Variants in CAMTA1 observed in about 807,000 individuals in gnomAD.
CAMTA1 encodes calmodulin binding transcription activator 1, also known as calmodulin-binding transcription activator 1.
In CAMTA1, 27 loss-of-function variants were observed where a neutral mutation model predicts 170.9. The observed-to-expected ratio is 0.16, with a 90% CI of 0.12 to 0.22. The LOEUF (loss-of-function observed/expected upper bound fraction) is 0.22, where lower values mean the gene tolerates loss of function less well. Ranked by LOEUF, CAMTA1 falls within the 10% of genes least tolerant of loss-of-function variation. CAMTA1 has a pLI of 1.00. For synonymous variants in CAMTA1, 833 were observed against 891.5 expected (o/e 0.93, Z 1.17); for missense variants, 1,619 against 2,217.2 (o/e 0.73, Z 5.42).
chr1:7,680,010 T>C lies in CAMTA1; in HGVS notation c.2914+2277T>C, dbSNP rs2096171790. Among the ~76,000 whole-genome samples the C allele has an allele frequency of 6.6e-6, 1 of 152,104 alleles. No homozygotes were observed. The highest frequency in any genetic ancestry group is 1.5e-5 in the Non-Finnish European group (1 of 68,020). ...TTCCCCCTAAATGAATACAAGGCAC[T>C]CACCCACCCAAGGGCCCAGCCTTCC... On this transcript the variant is annotated intron_variant, in intron 11 of 22. Coordinates refer to ENST00000303635, the MANE Select transcript of CAMTA1 (RefSeq NM_015215.4). This position sits in a 1 kb window ranked among gnomAD's most constrained non-coding sequence, Gnocchi z 4.4.
At chr1:7,662,400 CTTAA>C (rs1176431591) in intron 8 of CAMTA1, among the ~76,000 whole-genome samples, 1 of 152,068 alleles carries the variant, frequency 6.6e-6, no homozygotes, top group Non-Finnish European at 1.5e-5. Context: ...CCCAGGCTGA[CTTAA>C]TTAGATAGTC....
chr1:7,387,213 C>T (rs1434349301), intron 5 of CAMTA1, among the ~76,000 whole-genome samples: 1 of 152,092 alleles, frequency 6.6e-6, no homozygotes, highest in Non-Finnish European at 1.5e-5. Flanking sequence ...GTTGACCCCT[C>T]TCATTGAACA....
At chr1:7,255,653 G>A (rs939346482) in intron 5 of CAMTA1, among the ~76,000 whole-genome samples, 3 of 152,104 alleles carry the variant, frequency 2.0e-5, no homozygotes, top group African/African-American at 7.2e-5. Context: ...AAGATACATC[G>A]AGTATTTATT....
chr1:7,546,943 T>G (rs1448215326), intron 6 of CAMTA1, among the ~76,000 whole-genome samples: 2 of 152,102 alleles, frequency 1.3e-5, no homozygotes, highest in Non-Finnish European at 2.9e-5. Context: ...TAATAAATAT[T>G]TTGTGAGAAA....
intron 5 of CAMTA1, among the ~76,000 whole-genome samples, chr1:7,405,137 C>G (rs1367525492): frequency 6.6e-6 from 1 of 152,014 alleles, no homozygotes; most frequent in Non-Finnish European, 1.5e-5. Context: ...TCCTCCCTCA[C>G]TTCCTGCAGG....
intron 5 of CAMTA1, among the ~76,000 whole-genome samples, chr1:7,453,898 C>G (rs1473576800): frequency 2.0e-5 from 3 of 152,242 alleles, no homozygotes; most frequent in Non-Finnish European, 4.4e-5. Context: ...GCCCGGGGAC[C>G]TGGAGGTGCA....
intron 6 of CAMTA1, among the ~76,000 whole-genome samples, chr1:7,493,283 G>GCA (rs2093761057): frequency 1.2e-5 from 1 of 85,910 alleles, no homozygotes; most frequent in Non-Finnish European, 2.1e-5. Flanking sequence ...AAACATACAC[G>GCA]CGCACAAACA....
At chr1:6,869,317 T>C (rs1016733485) in intron 3 of CAMTA1, among the ~76,000 whole-genome samples, 2 of 152,218 alleles carry the variant, frequency 1.3e-5, no homozygotes, top group African/African-American at 4.8e-5. Flanking sequence ...CAGCCCTTGA[T>C]GGGGAGAGAA....
At chr1:7,338,090 C>T (rs1298492809) in intron 5 of CAMTA1, among the ~76,000 whole-genome samples, 2 of 145,084 alleles carry the variant, frequency 1.4e-5, no homozygotes, top group African/African-American at 5.3e-5. Context: ...CCTATTGGTT[C>T]TTTTTTGCTG....
At chr1:7,338,078 G>A (rs1292167009) in intron 5 of CAMTA1, among the ~76,000 whole-genome samples, 1 of 143,608 alleles carries the variant, frequency 7.0e-6, no homozygotes, top group Non-Finnish European at 1.5e-5. Context: ...CATATATATT[G>A]TCCTATTGGT....
At chr1:7,469,900 C>T (rs1374373323) in intron 6 of CAMTA1, among the ~76,000 whole-genome samples, 2 of 152,242 alleles carry the variant, frequency 1.3e-5, no homozygotes, top group African/African-American at 4.8e-5. Context: ...GGAGAGGGGT[C>T]CTGCTCTCTG....
chr1:7,536,376 G>C (rs1398881903), intron 6 of CAMTA1, among the ~76,000 whole-genome samples: 1 of 152,234 alleles, frequency 6.6e-6, no homozygotes, highest in Non-Finnish European at 1.5e-5. Flanking sequence ...AAAGGACGGG[G>C]AGGAGGTGCC....
At chr1:6,821,146 C>CTGG (rs1443911266) in intron 2 of CAMTA1, among the ~76,000 whole-genome samples, 2 of 152,084 alleles carry the variant, frequency 1.3e-5, no homozygotes. Context: ...AATAGCAAAA[C>CTGG]TAATTATATT....
intron 4 of CAMTA1, among the ~76,000 whole-genome samples, chr1:7,193,610 C>A (rs750958959): frequency 6.6e-6 from 1 of 152,036 alleles, no homozygotes; most frequent in Non-Finnish European, 1.5e-5. Context: ...GACGCAGACC[C>A]TGAAGACAAA....
At chr1:7,255,409 G>A (rs1176018068) in intron 5 of CAMTA1, among the ~76,000 whole-genome samples, 2 of 152,144 alleles carry the variant, frequency 1.3e-5, no homozygotes, top group Non-Finnish European at 2.9e-5. Flanking sequence ...GCACCCACCA[G>A]TCCATACCCT....
intron 6 of CAMTA1, among the ~76,000 whole-genome samples, chr1:7,597,373 C>T (rs1043803718): frequency 6.6e-6 from 1 of 152,148 alleles, no homozygotes; most frequent in Non-Finnish European, 1.5e-5. Context: ...GGGAGCACTG[C>T]GAGTTTTTCT....
intron 5 of CAMTA1, among the ~76,000 whole-genome samples, chr1:7,348,079 CA>C: frequency 6.6e-6 from 1 of 152,254 alleles, no homozygotes; most frequent in Non-Finnish European, 1.5e-5. Context: ...AGGGACTGAC[CA>C]GGGGCTGTGC....
At chr1:7,467,781 C>G (rs1352324871) in intron 5 of CAMTA1, 49 bp from the exon 6 acceptor site, 149 of 1,302,678 alleles carry the variant, frequency 1.1e-4, no homozygotes, top group Non-Finnish European at 1.5e-4. Context: ...TTCCTTCCTT[C>G]CTTCCTTCCC....
chr1:6,885,087 T>C (rs1672832863), intron 3 of CAMTA1, among the ~76,000 whole-genome samples: 2 of 152,358 alleles, frequency 1.3e-5, no homozygotes, highest in South Asian at 4.1e-4. Flanking sequence ...AGAACATTAA[T>C]GGCTTTCTTG....
Sources: gnomAD v4.1 joint callset for allele counts (sites outside exome capture counted in the v4.1 genomes callset) on GRCh38, gnomAD v4.1.1 for gene constraint, Gnocchi (gnomAD v3.1) non-coding constraint, MANE v1.5 for transcripts, NCBI Gene and HGNC (gene_info 2026-07-23, HGNC 2026-07-21) for gene names.